The following KCMF1 variants were observed in gnomAD, a reference collection of about 807,000 sequenced individuals.
The protein encoded by KCMF1 is potassium channel modulatory factor 1.
A neutral mutation model predicts 41.1 loss-of-function variants in KCMF1; 3 were observed. That is an observed-to-expected ratio of 0.07 (90% CI 0.03 to 0.19). The LOEUF is 0.19. Ranked by LOEUF, KCMF1 falls within the 10% of genes least tolerant of loss-of-function variation. The pLI, the probability that KCMF1 is intolerant of heterozygous loss-of-function variation, is 1.00. For missense variants in KCMF1, 286 were observed against 488.9 expected, an observed-to-expected ratio of 0.58 and a Z score of 3.91; for synonymous variants, 142 against 164.5, an observed-to-expected ratio of 0.86 and a Z score of 1.04.
intron 1 of KCMF1, among the ~76,000 whole-genome samples, chr2:85,004,953 A>G (rs1340770565): frequency 6.6e-6 from 1 of 151,996 alleles, no homozygotes; most frequent in Non-Finnish European, 1.5e-5. Context: ...CTCCTGCCTC[A>G]GCCTCTCAAG....
chr2:85,017,355 A>G (rs867482233), intron 1 of KCMF1, among the ~76,000 whole-genome samples: 5 of 152,148 alleles, frequency 3.3e-5, no homozygotes, highest in Admixed American at 1.3e-4. Flanking sequence ...GGGTTGCACA[A>G]TTTTTCAACT....
At position 84,971,408 on chromosome 2, in the gene KCMF1, A is replaced by C; in HGVS notation, c.-44A>C. 8 of 1,173,862 alleles carry C rather than the reference A, an allele frequency of 6.8e-6. No individual in the cohort carries two copies. The highest frequency in any genetic ancestry group is 7.5e-6 in the Non-Finnish European group (7 of 938,946). 72.7% of individuals were successfully genotyped at this position (1,173,862 alleles called of 1,614,324 possible). A position where few individuals can be genotyped will look rare whatever the true frequency, so the allele number is the denominator to read the frequency against. Reference sequence around the variant, plus strand: ...GCCGGGACCCCGCGGGGGACACTGCAGCCGGAGCCCGGGAGGGGCCGCGCC... The same window carrying C: ...GCCGGGACCCCGCGGGGGACACTGCCGCCGGAGCCCGGGAGGGGCCGCGCC... On this transcript the variant is annotated 5_prime_UTR_variant, in exon 1 of 7. Transcript: ENST00000409785.
At chr2:85,007,443 C>G (rs145319846) in intron 1 of KCMF1, among the ~76,000 whole-genome samples, 3 of 152,170 alleles carry the variant, frequency 2.0e-5, no homozygotes, top group Admixed American at 1.3e-4. Flanking sequence ...ATATATGGAG[C>G]GTTTAGCAGG....
At chr2:84,971,522 C>T (rs887845192) in intron 1 of KCMF1, 55 bp downstream of exon 1, 6 of 1,064,894 alleles carry the variant, frequency 5.6e-6, no homozygotes, top group Non-Finnish European at 5.9e-6. Context: ...CTACCCCGCC[C>T]GGGCCGGGCG....
chr2:84,998,934 C>G (rs1160824863), intron 1 of KCMF1, among the ~76,000 whole-genome samples: 1 of 88,320 alleles, frequency 1.1e-5, no homozygotes, highest in African/African-American at 3.9e-5. Context: ...ATCTATCTAT[C>G]TATCTATCTA....
rs981774794 is a variant in KCMF1, at chr2:84,988,365, G to T, written c.16+16898G>T. ...TTATTGAATACTTACTATGTGCCAG[G>T]CACTGTTGTAAGCATTTCACATGTA... On this transcript the variant is annotated intron_variant, in intron 1 of 6. Coordinates refer to ENST00000409785, the MANE Select transcript of KCMF1 (RefSeq NM_020122.5). Among the ~76,000 whole-genome samples, 8 of 152,156 alleles carry T rather than the reference G, an allele frequency of 5.3e-5. No homozygotes were observed. In the East Asian group the frequency reaches 1.5e-3, roughly 29 times the overall value.
Position 85,024,553 on chromosome 2 carries a change from T to TGAGA in KCMF1, c.17-3308_17-3305dup, listed in dbSNP as rs377478206. ...ATCTCTTACTTTTTGATTTGGAGAG[T>TGAGA]GAGAGAGAGAGAGAGAGAGAGAGAG... On this transcript the variant is annotated intron_variant, in intron 1 of 6. Transcript: ENST00000409785. Among the ~76,000 whole-genome samples, 622 of 141,712 alleles carry TGAGA rather than the reference T, an allele frequency of 4.4e-3. 6 individuals are homozygous for TGAGA. Among genetic ancestry groups the TGAGA allele is most frequent in the Admixed American group, 0.011 (150 of 13,926 alleles). 93.0% of individuals were successfully genotyped at this position (141,712 alleles called of 152,430 possible).
At chr2:84,988,241 A>C (rs1673950755) in intron 1 of KCMF1, among the ~76,000 whole-genome samples, 1 of 152,110 alleles carries the variant, frequency 6.6e-6, no homozygotes, top group Non-Finnish European at 1.5e-5. Context: ...TCAAAAAAAA[A>C]AAAAGTAGGC....
chr2:84,989,763 G>A (rs1673991902), intron 1 of KCMF1, among the ~76,000 whole-genome samples: 1 of 152,170 alleles, frequency 6.6e-6, no homozygotes, highest in African/African-American at 2.4e-5. Flanking sequence ...GTGGGTGCAG[G>A]AAGCAGGGAA....
intron 2 of KCMF1, among the ~76,000 whole-genome samples, chr2:85,032,202 C>CCT (rs1286110900): frequency 2.6e-5 from 4 of 151,890 alleles, no homozygotes; most frequent in African/African-American, 9.7e-5. Flanking sequence ...GATGGAGTCT[C>CCT]CGTCTGTTGC....
At chr2:85,006,555 T>C (rs1674477894) in intron 1 of KCMF1, among the ~76,000 whole-genome samples, 1 of 151,912 alleles carries the variant, frequency 6.6e-6, no homozygotes, top group Non-Finnish European at 1.5e-5. Context: ...CACCTTGGTC[T>C]CCCAAAGTGC....
At chr2:85,019,026 C>T (rs1383103622) in intron 1 of KCMF1, among the ~76,000 whole-genome samples, 2 of 151,946 alleles carry the variant, frequency 1.3e-5, no homozygotes, top group Admixed American at 1.3e-4. Context: ...CGTGAGCCAC[C>T]ACGCCCAGCC....
At chr2:85,038,123 C>T (rs552693536) in intron 3 of KCMF1, among the ~76,000 whole-genome samples, 21 of 152,300 alleles carry the variant, frequency 1.4e-4, no homozygotes, top group African/African-American at 5.1e-4. Context: ...GTAAATGCTG[C>T]TCTTTAGAAG....
chr2:85,020,676 C>T (rs958082889), intron 1 of KCMF1, among the ~76,000 whole-genome samples: 1 of 152,164 alleles, frequency 6.6e-6, no homozygotes, highest in Non-Finnish European at 1.5e-5. Flanking sequence ...AATCTGTTCC[C>T]TTTAGTCTCC....
chr2:85,041,861 T>A (rs964166001), intron 3 of KCMF1, among the ~76,000 whole-genome samples: 4 of 151,828 alleles, frequency 2.6e-5, no homozygotes, highest in Non-Finnish European at 5.9e-5. Context: ...GTTTACAGTT[T>A]AGCTAGGTAA....
intron 1 of KCMF1, among the ~76,000 whole-genome samples, chr2:85,008,019 T>C (rs1674514174): frequency 6.6e-6 from 1 of 151,870 alleles, no homozygotes. Context: ...CATCTTGACC[T>C]CCCAAAGTGC....
chr2:84,971,352 G>T lies in KCMF1; in HGVS notation c.-100G>T, dbSNP rs1673387140. The T allele has an allele frequency of 2.8e-6, 2 of 702,752 alleles. No homozygotes were observed. The highest frequency in any genetic ancestry group is 3.6e-6 in the Non-Finnish European group (2 of 560,586). 43.5% of individuals were successfully genotyped at this position (702,752 alleles called of 1,614,324 possible). The stretch of plus-strand genomic sequence containing the variant: ...GCCCCCGCGGCCGAGCCCGGGAGTC[G>T]AGTGGGAGTCGGCCGGCCGGCGCGG... On this transcript the variant is annotated 5_prime_UTR_variant, in exon 1 of 7. Transcript: ENST00000409785.
Position 85,049,543 on chromosome 2 carries a change from C to T in KCMF1, c.779C>T (p.Thr260Ile), listed in dbSNP as rs1481056947. ...TARNATRRTN[T>I]SSVTTTITQS... Reference sequence around the variant, plus strand: ...CGCAACGCAACCCGGCGTACTAACACAAGCAGTGTCACCACTACAATCACA... The same window carrying T: ...CGCAACGCAACCCGGCGTACTAACATAAGCAGTGTCACCACTACAATCACA... The change falls in exon 6 of 7, where the codon ACA (threonine) becomes ATA (isoleucine). Residue 260 changes from threonine (T) to isoleucine (I), a missense_variant. Thr to Ile is a moderately conservative substitution (Grantham distance 89, BLOSUM62 -1). This residue lies in a region of KCMF1 where 191 missense variants were observed against 279.3 expected (regional missense o/e 0.68). Coordinates refer to ENST00000409785, the MANE Select transcript of KCMF1 (RefSeq NM_020122.5). 4.3e-6 allele frequency: 7 copies of T among 1,613,910 alleles called. No individual in the cohort carries two copies. The highest frequency in any genetic ancestry group is 5.9e-6 in the Non-Finnish European group (7 of 1,179,908).
intron 1 of KCMF1, among the ~76,000 whole-genome samples, chr2:85,007,309 A>G (rs1674497699): frequency 6.6e-6 from 1 of 152,232 alleles, no homozygotes; most frequent in African/African-American, 2.4e-5. Context: ...AGTTTGCACT[A>G]TTAGGTGGAA....
Sources: gnomAD v4.1 joint callset for allele counts (sites outside exome capture counted in the v4.1 genomes callset) on GRCh38, gnomAD v4.1.1 for gene constraint, gnomAD v4.1.1 regional missense constraint, MANE v1.5 for transcripts, NCBI Gene and HGNC (gene_info 2026-07-23, HGNC 2026-07-21) for gene names.